The following VWF variants were observed in gnomAD, a reference collection of about 807,000 sequenced individuals.
VWF encodes the protein von Willebrand factor.
In VWF, 176 loss-of-function variants were observed where a neutral mutation model predicts 308.6. That is an observed-to-expected ratio of 0.57 (90% confidence interval 0.50 to 0.65). The LOEUF is 0.65. VWF is among the 30% of genes least tolerant of loss of function. VWF has a pLI of 0.00. For missense variants in VWF, 3,146 were observed against 3,648.2 expected, an observed-to-expected ratio of 0.86 and a Z score of 3.55; for synonymous variants, 1,385 against 1,443.4, an observed-to-expected ratio of 0.96 and a Z score of 0.92.
intron 3 of VWF, among the ~76,000 whole-genome samples, chr12:6,113,306 T>C (rs1945330860): frequency 6.6e-6 from 1 of 151,956 alleles, no homozygotes; most frequent in Admixed American, 6.5e-5. Flanking sequence ...ACTTTTTTTT[T>C]TTTTTTTTTG....
intron 18 of VWF, among the ~76,000 whole-genome samples, chr12:6,043,689 G>A (rs1241867951): frequency 6.6e-6 from 1 of 152,204 alleles, no homozygotes; most frequent in South Asian, 2.1e-4. Context: ...AAACCAGCAC[G>A]GCCTTGGATG....
intron 8 of VWF, 89 bp downstream of exon 8, chr12:6,073,530 A>C: frequency 6.3e-7 from 1 of 1,579,798 alleles, no homozygotes; most frequent in Non-Finnish European, 8.7e-7. Flanking sequence ...AGCAACGGGG[A>C]GCAAACACAA....
intron 19 of VWF, 60 bp from the exon 20 acceptor site, chr12:6,034,886 G>A (rs1944317966): frequency 6.2e-7 from 1 of 1,600,586 alleles, no homozygotes; most frequent in Admixed American, 1.7e-5. Context: ...GGGCCCATCT[G>A]GGCCATGGAG....
intron 13 of VWF, among the ~76,000 whole-genome samples, chr12:6,059,277 G>A (rs1450906737): frequency 6.6e-6 from 1 of 151,936 alleles, no homozygotes; most frequent in Non-Finnish European, 1.5e-5. Flanking sequence ...TTTCCCCCAG[G>A]ATCTATCACT....
At position 6,046,611 on chromosome 12, in the gene VWF, C is replaced by T; in HGVS notation, c.2281+112G>A. ...GATCCTGGGCGAAGCCAGACCCATG[C>T]CTGGGTGCACACGCACATCTGACGG... On this transcript the variant is annotated intron_variant, in intron 17 of 51. Transcript: ENST00000261405. This position sits in a 1 kb window ranked among gnomAD's most constrained non-coding sequence, Gnocchi z 5.0. 9.1e-7 allele frequency: 1 copy of T among 1,095,922 alleles called. No homozygotes were observed. Among genetic ancestry groups the T allele is most frequent in the Non-Finnish European group, 1.4e-6 (1 of 718,172 alleles). 67.9% of individuals were successfully genotyped at this position (1,095,922 alleles called of 1,614,324 possible).
intron 9 of VWF, among the ~76,000 whole-genome samples, 167 bp downstream of exon 9, chr12:6,072,164 T>C (rs1591900130): frequency 6.6e-6 from 1 of 152,130 alleles, no homozygotes; most frequent in Non-Finnish European, 1.5e-5. Flanking sequence ...CTCCCCATCA[T>C]TGCCTGCCAC....
intron 10 of VWF, 132 bp downstream of exon 10, chr12:6,071,165 G>T (rs1944775625): frequency 9.6e-7 from 1 of 1,045,486 alleles, no homozygotes; most frequent in Non-Finnish European, 1.5e-6. Context: ...GGGTCACGTG[G>T]TTGCAGCCAA....
At chr12:5,984,243 T>C (rs1943651447) in intron 40 of VWF, among the ~76,000 whole-genome samples, 1 of 152,214 alleles carries the variant, frequency 6.6e-6, no homozygotes. Context: ...GTCTATAAAA[T>C]GAGGGGCTTG....
In VWF at chr12:5,994,460, G is replaced by T; in HGVS notation, c.6211C>A (p.Gln2071Lys). The T allele has an allele frequency of 6.2e-7, 1 of 1,614,194 alleles. No homozygotes were observed. Among genetic ancestry groups the T allele is most frequent in the Non-Finnish European group, 8.5e-7 (1 of 1,180,040 alleles). The change falls in exon 36 of 52, where the codon CAG (glutamine) becomes AAG (lysine). Residue 2071 changes from glutamine (Q) to lysine (K), a missense_variant. By Grantham distance (53) the Gln-to-Lys change is moderately conservative. Coordinates refer to ENST00000261405, the MANE Select transcript of VWF (RefSeq NM_000552.5). Reference protein sequence around the residue: ...FTPQNNEFQLQLSPKTFASKT... With the variant: ...FTPQNNEFQLKLSPKTFASKT... Reference sequence around the variant, plus strand: ...GAAGCAAAAGTCTTGGGGCTGAGCTGCAGTTGGAACTCATTGTTTTGTGGA... The same window carrying T: ...GAAGCAAAAGTCTTGGGGCTGAGCTTCAGTTGGAACTCATTGTTTTGTGGA...
intron 3 of VWF, among the ~76,000 whole-genome samples, chr12:6,117,882 A>G (rs1945386033): frequency 6.6e-6 from 1 of 152,174 alleles, no homozygotes; most frequent in Admixed American, 6.5e-5. Context: ...CTCAGTGAAG[A>G]GGGAGAGCAG....
intron 6 of VWF, among the ~76,000 whole-genome samples, chr12:6,076,846 G>T (rs1386228253): frequency 6.6e-6 from 1 of 152,200 alleles, no homozygotes; most frequent in East Asian, 1.9e-4. Flanking sequence ...CTGTTTTGCG[G>T]CGCCACAGAA....
chr12:5,969,074 T>C (rs1051569220), intron 45 of VWF, 137 bp downstream of exon 45: 9 of 941,832 alleles, frequency 9.6e-6, no homozygotes, highest in South Asian at 8.8e-5. Context: ...ATAAAAGCAG[T>C]AGGAGCAGAT....
intron 18 of VWF, among the ~76,000 whole-genome samples, 192 bp downstream of exon 18, chr12:6,044,099 T>C (rs1454952284): frequency 6.6e-6 from 1 of 151,834 alleles, no homozygotes; most frequent in African/African-American, 2.4e-5. Context: ...TCCTAACAAC[T>C]CCCTCCCTGA....
chr12:6,030,095 A>C (rs216318), intron 21 of VWF, among the ~76,000 whole-genome samples: 139,886 of 152,224 alleles, frequency 0.92, 64,408 homozygotes, highest in African/African-American at 0.96. Context: ...ACCCTGGAGG[A>C]CCATTTCAGC....
rs368132716 is a variant in VWF at position 6,121,297 on chromosome 12, C to G, written c.97G>C (p.Ala33Pro). 18 of 1,614,214 alleles carry G rather than the reference C, an allele frequency of 1.1e-5. No homozygotes were observed. In the African/African-American group the frequency reaches 1.5e-4, roughly 13 times the overall value. Residue 33 changes from alanine to proline, a missense_variant, in exon 3 of 52, where the codon GCC becomes CCC. Transcript: ENST00000261405. ...TCACTTCCGAAAAGGCTGCATCGGG[C>G]CGTGGATGACCTGCCGCGAGTTCCT... The part of the protein sequence containing the change: ...AEGTRGRSST[A>P]RCSLFGSDFV...
intron 18 of VWF, among the ~76,000 whole-genome samples, chr12:6,042,086 A>G (rs529671583): frequency 6.6e-6 from 1 of 152,334 alleles, no homozygotes; most frequent in Non-Finnish European, 1.5e-5. Flanking sequence ...TACGTAACAC[A>G]TGAGGTGACT....
intron 43 of VWF, among the ~76,000 whole-genome samples, chr12:5,972,021 T>C (rs1035825638): frequency 3.3e-5 from 5 of 152,172 alleles, no homozygotes; most frequent in Non-Finnish European, 7.3e-5. Flanking sequence ...AGCTTACTAA[T>C]CTGGCCCTTA....
At chr12:5,960,593 T>G (rs1435261982) in intron 47 of VWF, among the ~76,000 whole-genome samples, 1 of 152,146 alleles carries the variant, frequency 6.6e-6, no homozygotes, top group East Asian at 1.9e-4. Flanking sequence ...TAACAAAATA[T>G]GAGCAAATAG....
At chr12:5,968,270 C>G in intron 45 of VWF, 103 bp from the exon 46 acceptor site, 2 of 1,439,062 alleles carry the variant, frequency 1.4e-6, no homozygotes, top group South Asian at 2.4e-5. Context: ...GTCTGGGCCT[C>G]CCTCCTGTAT....
Sources: allele counts gnomAD v4.1 joint callset (sites outside exome capture counted in the v4.1 genomes callset), GRCh38; gene constraint gnomAD v4.1.1; non-coding constraint Gnocchi (gnomAD v3.1); transcripts MANE v1.5; gene names NCBI Gene and HGNC (gene_info 2026-07-23, HGNC 2026-07-21).